The following SYN3 variants were observed in gnomAD, a reference collection of about 807,000 sequenced individuals.
SYN3 encodes the protein synapsin III, also known as synapsin-3.
SYN3 carries 35 observed loss-of-function variants against 65.8 expected under a neutral mutation model. That is an observed-to-expected ratio of 0.53 (90% CI 0.41 to 0.70). The LOEUF (loss-of-function observed/expected upper bound fraction) is 0.70. Among genes scored for constraint, SYN3 ranks in the 30% least tolerant of loss-of-function variants. The pLI is 0.00. For missense variants in SYN3, 680 were observed against 749.0 expected (o/e 0.91, Z 1.08); for synonymous variants, 270 against 292.9 (o/e 0.92, Z 0.80).
chr22:32,702,409 C>T (rs913600260), intron 6 of SYN3, among the ~76,000 whole-genome samples: 11 of 152,072 alleles, frequency 7.2e-5, no homozygotes, highest in Non-Finnish European at 1.2e-4. Flanking sequence ...ACCCGGGAGG[C>T]GGAGCTTGCA....
chr22:32,993,017 C>T (rs913689457), intron 2 of SYN3, among the ~76,000 whole-genome samples: 22 of 152,168 alleles, frequency 1.4e-4, no homozygotes, highest in African/African-American at 3.9e-4. Context: ...CCAAAGTGCC[C>T]GCAGAGCAAG....
At chr22:32,960,079 A>C (rs2051599896) in intron 3 of SYN3, among the ~76,000 whole-genome samples, 1 of 152,240 alleles carries the variant, frequency 6.6e-6, no homozygotes, top group Non-Finnish European at 1.5e-5. Context: ...TTGGAGTTAG[A>C]CAGGTATCAT....
chr22:32,998,794 A>AAAC (rs1556121663), intron 2 of SYN3, among the ~76,000 whole-genome samples: 1 of 137,118 alleles, frequency 7.3e-6, no homozygotes, highest in African/African-American at 2.5e-5. Flanking sequence ...AAAAAAAAAA[A>AAAC]AAAAACAAAA....
chr22:32,696,109 G>C (rs190732166), intron 6 of SYN3, among the ~76,000 whole-genome samples: 30 of 152,302 alleles, frequency 2.0e-4, no homozygotes, highest in Non-Finnish European at 3.2e-4. Context: ...TGATGTTCCT[G>C]GTCAGCAGGT....
At chr22:32,744,223 C>T (rs1353722711) in intron 6 of SYN3, among the ~76,000 whole-genome samples, 2 of 152,154 alleles carry the variant, frequency 1.3e-5, no homozygotes, top group Non-Finnish European at 2.9e-5. Flanking sequence ...ATCTCTTTCC[C>T]TCGTTGGGGA....
intron 3 of SYN3, among the ~76,000 whole-genome samples, chr22:32,969,325 G>C (rs1464914603): frequency 6.6e-6 from 1 of 152,204 alleles, no homozygotes; most frequent in Non-Finnish European, 1.5e-5. Flanking sequence ...GTTGTGTTCA[G>C]AATCAGCGGG....
chr22:32,515,020 A>C (rs554497331), intron 13 of SYN3, among the ~76,000 whole-genome samples: 5 of 152,236 alleles, frequency 3.3e-5, no homozygotes, highest in South Asian at 4.1e-4. Flanking sequence ...TCTCAAAAAA[A>C]AAAACAAAAC....
intron 6 of SYN3, among the ~76,000 whole-genome samples, chr22:32,757,137 A>C (rs1297349945): frequency 6.6e-6 from 1 of 151,888 alleles, no homozygotes; most frequent in Non-Finnish European, 1.5e-5. Context: ...ATCCACTAGC[A>C]TGATTTTTGC....
At chr22:32,520,395 C>T (rs142299703) in intron 12 of SYN3, among the ~76,000 whole-genome samples, 2,061 of 152,092 alleles carry the variant, frequency 0.014, 50 homozygotes, top group African/African-American at 0.048. Flanking sequence ...CCTTAGCCTC[C>T]CAAAGTGCTG....
chr22:32,571,461 C>T (rs745637899), intron 7 of SYN3, among the ~76,000 whole-genome samples: 9 of 152,202 alleles, frequency 5.9e-5, no homozygotes, highest in Non-Finnish European at 1.0e-4. Context: ...GTTAAGCTCA[C>T]TCCATCTATC....
At chr22:33,007,560 T>C (rs2053228610) in intron 1 of SYN3, among the ~76,000 whole-genome samples, 1 of 152,190 alleles carries the variant, frequency 6.6e-6, no homozygotes, top group Non-Finnish European at 1.5e-5. Context: ...GCCCACGCGA[T>C]GGAAGTACAG....
rs55843131 is a variant in SYN3, at chr22:32,840,816, C to A, written c.711+24099G>T. On this transcript the variant is annotated intron_variant, in intron 6 of 13. Coordinates refer to ENST00000358763, the MANE Select transcript of SYN3 (RefSeq NM_003490.4). ...TCATCTCTTCTTGGCTCTGTCCTGG[C>A]TTTCCGTCCTTGCTTATATTGCTGA... 8.9e-3 allele frequency among the ~76,000 whole-genome samples: 1,358 copies of A among 152,320 alleles called. 20 individuals carry two copies. The highest frequency in any genetic ancestry group is 0.031 in the African/African-American group (1,306 of 41,578).
chr22:32,586,013 C>A (rs904021199), intron 7 of SYN3, among the ~76,000 whole-genome samples: 1 of 117,054 alleles, frequency 8.5e-6, no homozygotes, highest in Non-Finnish European at 1.8e-5. Flanking sequence ...TGTATGTATA[C>A]GTATATATGT....
At chr22:32,556,391 C>G (rs564231177) in intron 7 of SYN3, among the ~76,000 whole-genome samples, 35 of 152,266 alleles carry the variant, frequency 2.3e-4, no homozygotes, top group African/African-American at 8.4e-4. Context: ...TTGGCACAAC[C>G]ACCACCAAAA....
chr22:32,964,377 A>G (rs1416664219), intron 3 of SYN3, among the ~76,000 whole-genome samples: 1 of 150,190 alleles, frequency 6.7e-6, no homozygotes, highest in Non-Finnish European at 1.5e-5. Flanking sequence ...TATGTAACTA[A>G]CCTGCACGTT....
At chr22:32,807,964 T>G (rs1270728405) in intron 6 of SYN3, among the ~76,000 whole-genome samples, 2 of 152,148 alleles carry the variant, frequency 1.3e-5, no homozygotes, top group African/African-American at 4.8e-5. Flanking sequence ...TTTTATTGAC[T>G]TACTGAGTGT....
At chr22:32,934,586 C>A (rs2050722576) in intron 3 of SYN3, among the ~76,000 whole-genome samples, 1 of 152,186 alleles carries the variant, frequency 6.6e-6, no homozygotes, top group African/African-American at 2.4e-5. Context: ...ACAGAGGTGT[C>A]CAAACCACCT....
At chr22:32,712,198 C>A (rs2060975369) in intron 6 of SYN3, among the ~76,000 whole-genome samples, 1 of 152,204 alleles carries the variant, frequency 6.6e-6, no homozygotes, top group Non-Finnish European at 1.5e-5. Flanking sequence ...GCCACAGGCT[C>A]CTTATCATTT....
At chr22:32,790,424 T>TTATC (rs2046299450) in intron 6 of SYN3, among the ~76,000 whole-genome samples, 1 of 150,350 alleles carries the variant, frequency 6.7e-6, no homozygotes, top group Non-Finnish European at 1.5e-5. Flanking sequence ...ATTTATTTAT[T>TTATC]TATTTATTTA....
Sources: gnomAD v4.1 joint callset for allele counts (sites outside exome capture counted in the v4.1 genomes callset) on GRCh38, gnomAD v4.1.1 for gene constraint, MANE v1.5 for transcripts, NCBI Gene and HGNC (gene_info 2026-07-23, HGNC 2026-07-21) for gene names.